The following NR1H4 variants were observed in gnomAD, a reference collection of about 807,000 sequenced individuals.
NR1H4 encodes nuclear receptor subfamily 1 group H member 4.
Under a neutral mutation model 58.5 loss-of-function variants are expected in NR1H4, and 23 were observed. The observed-to-expected ratio is 0.39, with a 90% confidence interval of 0.28 to 0.56. NR1H4 has a LOEUF of 0.56. NR1H4 is among the 20% of genes least tolerant of loss of function. NR1H4 has a pLI of 0.58. For synonymous variants in NR1H4, 214 were observed against 198.0 expected, an observed-to-expected ratio of 1.08 and a Z score of -0.68; for missense variants, 487 against 576.9, an observed-to-expected ratio of 0.84 and a Z score of 1.60.
chr12:100,511,852 G>T (rs1954125914), intron 4 of NR1H4, among the ~76,000 whole-genome samples: 1 of 152,090 alleles, frequency 6.6e-6, no homozygotes, highest in Admixed American at 6.6e-5. Flanking sequence ...AACCTGGGAG[G>T]TGGAGGTTGC....
intron 1 of NR1H4, among the ~76,000 whole-genome samples, chr12:100,474,617 A>C (rs903083879): frequency 2.0e-5 from 3 of 152,256 alleles, no homozygotes; most frequent in Admixed American, 1.3e-4. Flanking sequence ...AGGAAATATC[A>C]GATGGAAATA....
intron 3 of NR1H4, among the ~76,000 whole-genome samples, chr12:100,498,512 C>T (rs1268671924): frequency 1.3e-5 from 2 of 152,038 alleles, no homozygotes; most frequent in Admixed American, 6.6e-5. Context: ...GTGGCACGTG[C>T]CTGTAATCCC....
At chr12:100,553,828 C>T (rs1161099715) in intron 9 of NR1H4, among the ~76,000 whole-genome samples, 1 of 152,226 alleles carries the variant, frequency 6.6e-6, no homozygotes, top group Non-Finnish European at 1.5e-5. Flanking sequence ...TGTCTGGGCA[C>T]AACACTGGTC....
chr12:100,508,320 A>G (rs1593067616), intron 3 of NR1H4, among the ~76,000 whole-genome samples: 2 of 152,148 alleles, frequency 1.3e-5, no homozygotes, highest in African/African-American at 4.8e-5. Context: ...AACATGCAAA[A>G]TGGCTGGAAA....
At chr12:100,508,579 T>C (rs557277486) in intron 3 of NR1H4, among the ~76,000 whole-genome samples, 1 of 152,262 alleles carries the variant, frequency 6.6e-6, no homozygotes, top group African/African-American at 2.4e-5. Flanking sequence ...GTTGCTTAAC[T>C]ACTATGTGCC....
intron 9 of NR1H4, among the ~76,000 whole-genome samples, chr12:100,553,356 T>C (rs1393946437): frequency 2.6e-5 from 4 of 152,136 alleles, no homozygotes; most frequent in Non-Finnish European, 5.9e-5. Context: ...AGGAGAGATA[T>C]GAATTGTGAT....
chr12:100,493,201 C>T, intron 2 of NR1H4, 69 bp from the exon 3 acceptor site: 1 of 692,490 alleles, frequency 1.4e-6, no homozygotes, highest in East Asian at 2.7e-5. Flanking sequence ...CTCGCTGTCT[C>T]CTTCCCCAGC....
chr12:100,501,866 A>G (rs2136126053), intron 3 of NR1H4, among the ~76,000 whole-genome samples: 1 of 152,330 alleles, frequency 6.6e-6, no homozygotes, highest in East Asian at 1.9e-4. Context: ...AAGGTTACAC[A>G]GTGCATCTCG....
At chr12:100,520,065 T>C (rs980427134) in intron 4 of NR1H4, among the ~76,000 whole-genome samples, 1 of 152,122 alleles carries the variant, frequency 6.6e-6, no homozygotes, top group Non-Finnish European at 1.5e-5. Flanking sequence ...GGAATGCATA[T>C]CAGAGGACCA....
chr12:100,503,492 G>T, intron 3 of NR1H4: 1 of 1,594,256 alleles, frequency 6.3e-7, no homozygotes, highest in Non-Finnish European at 8.5e-7. Context: ...TGAAGCCCGC[G>T]AAAGGTAGGA....
intron 1 of NR1H4, among the ~76,000 whole-genome samples, chr12:100,486,461 T>C (rs943618358): frequency 7.2e-5 from 11 of 152,134 alleles, no homozygotes; most frequent in Non-Finnish European, 1.5e-4. Context: ...GAAAAATCTA[T>C]AAGACTGAGA....
intron 9 of NR1H4, among the ~76,000 whole-genome samples, chr12:100,553,033 C>T (rs778040228): frequency 1.3e-5 from 2 of 152,050 alleles, no homozygotes; most frequent in Non-Finnish European, 2.9e-5. Flanking sequence ...GAGTCTCGCT[C>T]TGTCACCCAG....
chr12:100,508,628 C>T (rs1954029338), intron 3 of NR1H4, among the ~76,000 whole-genome samples: 1 of 152,032 alleles, frequency 6.6e-6, no homozygotes, highest in African/African-American at 2.4e-5. Flanking sequence ...AATAATGTTA[C>T]CCACCTCATA....
chr12:100,540,101 A>G (rs1954901396), intron 8 of NR1H4, among the ~76,000 whole-genome samples: 1 of 152,196 alleles, frequency 6.6e-6, no homozygotes, highest in African/African-American at 2.4e-5. Flanking sequence ...TGAATTTTCC[A>G]GGGAGTGTTA....
chr12:100,484,973 A>G (rs1953460047), intron 1 of NR1H4, among the ~76,000 whole-genome samples: 1 of 152,232 alleles, frequency 6.6e-6, no homozygotes, highest in African/African-American at 2.4e-5. Context: ...AGCTTTCCAT[A>G]TATAATTTCA....
In NR1H4 at chr12:100,563,264, A is replaced by G. The variant is rs750602139; in HGVS notation, c.1206A>G (p.Ile402Met). Residue 402 changes from isoleucine to methionine, a missense_variant, in exon 11 of 11, where the codon ATA (isoleucine) becomes ATG (methionine). Ile to Met is a conservative substitution (Grantham distance 10, BLOSUM62 1). Transcript: ENST00000392986. ...IVILSPDRQY[I>M]KDREAVEKLQ... is the part of the protein sequence containing the mutation. ...ACTTCAAAACAGATAGACAATACATAAAGGATAGAGAGGCAGTAGAGAAGC... is the reference window on the plus strand; with the variant it reads ...ACTTCAAAACAGATAGACAATACATGAAGGATAGAGAGGCAGTAGAGAAGC... The G allele has an allele frequency of 3.1e-6, 5 of 1,612,748 alleles. No homozygotes were observed. Among genetic ancestry groups the G allele is most frequent in the Non-Finnish European group, 4.2e-6 (5 of 1,178,692 alleles).
chr12:100,481,929 AAAAT>A (rs914502688), intron 1 of NR1H4, among the ~76,000 whole-genome samples: 1 of 151,308 alleles, frequency 6.6e-6, no homozygotes, highest in Non-Finnish European at 1.5e-5. Context: ...AATAAAAATA[AAAAT>A]AAATAAATAA....
At chr12:100,497,634 T>TCGTCTCCTTTCCTCTGGGAGATC in intron 3 of NR1H4, among the ~76,000 whole-genome samples, 1 of 152,148 alleles carries the variant, frequency 6.6e-6, no homozygotes, top group African/African-American at 2.4e-5. Flanking sequence ...ACACAGAGAT[T>TCGTCTCCTTTCCTCTGGGAGATC]CGTCTCCTTT....
chr12:100,540,844 G>C (rs1255400713), intron 9 of NR1H4, 26 bp downstream of exon 9: 2 of 1,613,228 alleles, frequency 1.2e-6, no homozygotes, highest in Non-Finnish European at 1.7e-6. Context: ...AATGGTAAAA[G>C]AGTTTGTTTC....
Sources: gnomAD v4.1 joint callset for allele counts (sites outside exome capture counted in the v4.1 genomes callset) on GRCh38, gnomAD v4.1.1 for gene constraint, MANE v1.5 for transcripts, NCBI Gene and HGNC (gene_info 2026-07-23, HGNC 2026-07-21) for gene names.